CMSS1: variants seen among roughly 807,000 people sequenced by gnomAD.
The protein encoded by CMSS1 is protein CMSS1.
A neutral mutation model predicts 43.5 loss-of-function variants in CMSS1; 33 were observed. That is an observed-to-expected ratio of 0.76 (90% CI 0.57 to 1.01). The LOEUF is 1.01. Among genes scored for constraint, CMSS1 ranks in the 50% least tolerant of loss-of-function variants. CMSS1 has a pLI of 0.00. For synonymous variants in CMSS1, 115 were observed against 117.2 expected (o/e 0.98, Z 0.12); for missense variants, 313 against 326.4 (o/e 0.96, Z 0.32).
chr3:99,923,781 T>A (rs1230076813), intron 1 of CMSS1, among the ~76,000 whole-genome samples: 1 of 152,226 alleles, frequency 6.6e-6, no homozygotes, highest in Non-Finnish European at 1.5e-5. Context: ...CAGTATAAAG[T>A]CCAGCTGCTC....
chr3:100,011,107 T>G (rs1233593267), intron 1 of CMSS1, among the ~76,000 whole-genome samples: 3 of 152,170 alleles, frequency 2.0e-5, no homozygotes, highest in African/African-American at 7.2e-5. Context: ...CTTCTGATAT[T>G]AAGCACGACA....
At chr3:99,924,905 C>T (rs1707242711) in intron 1 of CMSS1, among the ~76,000 whole-genome samples, 1 of 152,152 alleles carries the variant, frequency 6.6e-6, no homozygotes, top group African/African-American at 2.4e-5. Context: ...CAAATGTAGT[C>T]TCTTTATTGC....
intron 1 of CMSS1, among the ~76,000 whole-genome samples, chr3:100,035,510 G>A (rs1054205453): frequency 1.3e-5 from 2 of 152,004 alleles, no homozygotes; most frequent in African/African-American, 2.4e-5. Context: ...TGATCCACCC[G>A]CCTCAGCCTC....
chr3:100,042,701 G>A (rs1559736992), intron 1 of CMSS1, among the ~76,000 whole-genome samples: 1 of 151,990 alleles, frequency 6.6e-6, no homozygotes, highest in Non-Finnish European at 1.5e-5. Context: ...TAGAGAACAG[G>A]TTTTTTTTCT....
At chr3:100,068,920 A>G (rs758789816) in intron 1 of CMSS1, among the ~76,000 whole-genome samples, 6 of 152,206 alleles carry the variant, frequency 3.9e-5, no homozygotes, top group Non-Finnish European at 7.4e-5. Context: ...AAGAAAGTTC[A>G]GCTTGCTCTC....
At chr3:99,917,748 T>A (rs1706996576) in intron 1 of CMSS1, among the ~76,000 whole-genome samples, 1 of 152,198 alleles carries the variant, frequency 6.6e-6, no homozygotes, top group Admixed American at 6.5e-5. Context: ...AGCAGTAGGG[T>A]ATACCGAAAT....
chr3:100,180,542 GTC>G lies in CMSS1; in HGVS notation c.*2158_*2159del, dbSNP rs1418802094. Reference sequence around the variant, plus strand: ...CTAAAGCAGGGGCACAATGCCACCAGTCTCTGCTAAAGCATAGCAAGAGTGAC... The same window carrying G: ...CTAAAGCAGGGGCACAATGCCACCAGTCTGCTAAAGCATAGCAAGAGTGAC... On this transcript the variant is annotated 3_prime_UTR_variant, in exon 10 of 10. Coordinates refer to ENST00000421999, the MANE Select transcript of CMSS1 (RefSeq NM_032359.4). 4 of 152,212 alleles carry G rather than the reference GTC, an allele frequency of 2.6e-5. No homozygotes were observed. The highest frequency in any genetic ancestry group is 7.2e-5 in the African/African-American group (3 of 41,446). The allele number at this position is 152,212 out of a possible 1,614,324, so 9.4% of individuals were successfully genotyped here.
intron 1 of CMSS1, among the ~76,000 whole-genome samples, chr3:99,939,353 A>G (rs1011712964): frequency 6.6e-6 from 1 of 152,234 alleles, no homozygotes; most frequent in Non-Finnish European, 1.5e-5. Flanking sequence ...AAGCAAGCCA[A>G]GCTACTCTTC....
At chr3:99,946,155 G>A (rs1708000922) in intron 1 of CMSS1, among the ~76,000 whole-genome samples, 1 of 152,148 alleles carries the variant, frequency 6.6e-6, no homozygotes, top group Admixed American at 6.5e-5. Context: ...GACAAAAGGG[G>A]CCCTGCAATC....
chr3:99,901,649 T>C (rs1300954741), intron 1 of CMSS1, among the ~76,000 whole-genome samples: 1 of 152,212 alleles, frequency 6.6e-6, no homozygotes, highest in East Asian at 1.9e-4. Flanking sequence ...AGCTAAATAG[T>C]CAAAGTTCAG....
intron 8 of CMSS1, among the ~76,000 whole-genome samples, chr3:100,174,165 T>C (rs2067130912): frequency 6.6e-6 from 1 of 152,176 alleles, no homozygotes. Flanking sequence ...GGACATCCTA[T>C]GGCATTTGAA....
At chr3:99,854,578 C>A (rs949325425) in intron 1 of CMSS1, among the ~76,000 whole-genome samples, 1 of 152,084 alleles carries the variant, frequency 6.6e-6, no homozygotes, top group African/African-American at 2.4e-5. Context: ...ATATTTGGGG[C>A]CAGATAATTT....
intron 1 of CMSS1, among the ~76,000 whole-genome samples, chr3:99,853,068 T>C (rs1943783349): frequency 6.6e-6 from 1 of 152,202 alleles, no homozygotes; most frequent in South Asian, 2.1e-4. Flanking sequence ...TTTCTGGCCA[T>C]GCCCCATCCC....
At chr3:100,079,736 A>G (rs1432880790) in intron 1 of CMSS1, among the ~76,000 whole-genome samples, 1 of 152,158 alleles carries the variant, frequency 6.6e-6, no homozygotes, top group East Asian at 1.9e-4. Context: ...TAGAACAAAA[A>G]TTAATCCCAC....
intron 1 of CMSS1, among the ~76,000 whole-genome samples, chr3:99,954,725 C>T (rs529144869): frequency 2.0e-5 from 3 of 152,004 alleles, no homozygotes; most frequent in South Asian, 4.2e-4. Flanking sequence ...ACTCAGGAGG[C>T]TGAGGCAGGA....
intron 1 of CMSS1, among the ~76,000 whole-genome samples, chr3:99,825,801 G>C (rs1208029195): frequency 5.4e-5 from 6 of 111,792 alleles, no homozygotes; most frequent in African/African-American, 1.7e-4. Flanking sequence ...TTTTGAGACA[G>C]AGTTTTGCTC....
At chr3:99,943,319 T>G (rs1016400862) in intron 1 of CMSS1, among the ~76,000 whole-genome samples, 1 of 152,220 alleles carries the variant, frequency 6.6e-6, no homozygotes, top group East Asian at 1.9e-4. Flanking sequence ...TTTTTCAGAA[T>G]AAGCTTCATA....
intron 1 of CMSS1, among the ~76,000 whole-genome samples, chr3:99,820,009 T>A (rs1942403216): frequency 1.3e-5 from 2 of 151,750 alleles, no homozygotes; most frequent in South Asian, 4.2e-4. Context: ...CACCTCGGCC[T>A]CCCAAAGTGC....
chr3:99,982,029 A>G (rs778900839), intron 1 of CMSS1, among the ~76,000 whole-genome samples: 35 of 151,906 alleles, frequency 2.3e-4, no homozygotes, highest in Non-Finnish European at 3.7e-4. Context: ...TGATAAACAT[A>G]ATATGCTCTT....
Sources: gnomAD v4.1 joint callset for allele counts (sites outside exome capture counted in the v4.1 genomes callset) on GRCh38, gnomAD v4.1.1 for gene constraint, MANE v1.5 for transcripts, NCBI Gene and HGNC (gene_info 2026-07-23, HGNC 2026-07-21) for gene names.